Variants in FSTL4 observed in about 807,000 individuals in gnomAD.
The protein encoded by FSTL4 is follistatin-related protein 4.
FSTL4 carries 28 observed loss-of-function variants against 78.2 expected under a neutral mutation model. The observed-to-expected ratio is 0.36, with a 90% CI of 0.27 to 0.49. The LOEUF (loss-of-function observed/expected upper bound fraction) is 0.49. Among genes scored for constraint, FSTL4 ranks in the 20% least tolerant of loss-of-function variants. FSTL4 has a pLI of 0.98. For missense variants in FSTL4, 922 were observed against 1,084.9 expected (o/e 0.85, Z 2.11); for synonymous variants, 422 against 440.5 (o/e 0.96, Z 0.53).
the FSTL4 span, among the ~76,000 whole-genome samples, chr5:133,624,246 A>G: frequency 3.3e-5 from 5 of 152,050 alleles, no homozygotes; most frequent in Admixed American, 2.0e-4. Context: ...GTATATGCAT[A>G]CAATGGAATA....
intron 3 of FSTL4, among the ~76,000 whole-genome samples, chr5:133,511,866 C>T (rs1188330623): frequency 6.6e-6 from 1 of 151,972 alleles, no homozygotes; most frequent in East Asian, 1.9e-4. Context: ...CAGAAGGGGG[C>T]CAGAAGTGAA....
chr5:133,777,971 A>T, the FSTL4 span, among the ~76,000 whole-genome samples: 2 of 152,246 alleles, frequency 1.3e-5, no homozygotes, highest in African/African-American at 4.8e-5. Flanking sequence ...AAGCTTCCTT[A>T]TAGAGATCCC....
chr5:133,400,894 G>A lies in FSTL4; in HGVS notation c.253C>T (p.Pro85Ser), dbSNP rs748030240. The A allele has an allele frequency of 6.2e-7, 1 of 1,613,720 alleles. No individual in the cohort carries two copies. The highest frequency in any genetic ancestry group is 8.5e-7 in the Non-Finnish European group (1 of 1,180,028). Residue 85 changes from proline (P) to serine (S), a missense_variant, in exon 4 of 16, where the codon CCC (proline) becomes TCC (serine). Pro to Ser is a moderately conservative substitution (Grantham distance 74). Coordinates refer to ENST00000265342, the MANE Select transcript of FSTL4 (RefSeq NM_015082.2). ...CATGCCTCCAGGCACTGGCATTCGG[G>A]CTCCCCTGTCTTCCTGCTGAGCACG... Reference protein sequence around the residue: ...RCVLSRKTGEPECQCLEACRP... With the variant: ...RCVLSRKTGESECQCLEACRP...
the FSTL4 span, among the ~76,000 whole-genome samples, chr5:133,742,602 A>G: frequency 6.6e-6 from 1 of 152,086 alleles, no homozygotes; most frequent in East Asian, 1.9e-4. Context: ...TCCCTCAACC[A>G]TGAAAGGTCC....
intron 3 of FSTL4, among the ~76,000 whole-genome samples, chr5:133,536,487 T>G (rs1018535451): frequency 3.9e-5 from 6 of 152,138 alleles, no homozygotes; most frequent in Admixed American, 3.3e-4. Context: ...TCAATTACTT[T>G]TGGGGGACAT....
At chr5:133,735,034 A>G in the FSTL4 span, among the ~76,000 whole-genome samples, 182 of 152,328 alleles carry the variant, frequency 1.2e-3, 3 homozygotes, top group Non-Finnish European at 3.1e-4. Context: ...AGTGCCCCTC[A>G]TGCTCTCCCT....
intron 3 of FSTL4, among the ~76,000 whole-genome samples, chr5:133,467,964 G>A (rs1221901862): frequency 6.6e-6 from 1 of 152,162 alleles, no homozygotes; most frequent in Non-Finnish European, 1.5e-5. Flanking sequence ...CACTCCTAGG[G>A]AACAACCTCA....
chr5:133,446,238 G>A (rs1328735358), intron 3 of FSTL4, among the ~76,000 whole-genome samples: 1 of 152,174 alleles, frequency 6.6e-6, no homozygotes, highest in Non-Finnish European at 1.5e-5. Context: ...TCAGGAGTTG[G>A]AGACCAGCCT....
At chr5:133,395,506 C>T (rs6898611) in intron 4 of FSTL4, among the ~76,000 whole-genome samples, 10,072 of 152,258 alleles carry the variant, frequency 0.066, 460 homozygotes, top group South Asian at 0.12. Context: ...CGCGGGTCCG[C>T]GGCTTCATTC....
the FSTL4 span, among the ~76,000 whole-genome samples, chr5:133,809,004 G>C: frequency 6.6e-6 from 1 of 152,002 alleles, no homozygotes; most frequent in African/African-American, 2.4e-5. Flanking sequence ...AGTTCTTTTG[G>C]ACAGGTTGTG....
intron 11 of FSTL4, among the ~76,000 whole-genome samples, chr5:133,222,951 C>A (rs1751193104): frequency 6.6e-6 from 1 of 152,230 alleles, no homozygotes. Context: ...TTGTTCACTG[C>A]TCAATTGTTC....
chr5:133,542,870 T>C (rs1759505276), intron 3 of FSTL4, among the ~76,000 whole-genome samples: 1 of 152,168 alleles, frequency 6.6e-6, no homozygotes, highest in African/African-American at 2.4e-5. Flanking sequence ...TTGTTAGATT[T>C]ATTGGTTCTT....
chr5:133,492,906 T>A (rs540083655), intron 3 of FSTL4, among the ~76,000 whole-genome samples: 1 of 152,238 alleles, frequency 6.6e-6, no homozygotes, highest in East Asian at 1.9e-4. Flanking sequence ...TCTATCTTTG[T>A]GTCTCTCTGA....
chr5:133,757,413 A>T, the FSTL4 span, among the ~76,000 whole-genome samples: 3 of 152,224 alleles, frequency 2.0e-5, no homozygotes, highest in Admixed American at 2.0e-4. Flanking sequence ...AGTGCTCAAT[A>T]GCACGTGGTG....
chr5:133,644,655 C>A, the FSTL4 span, among the ~76,000 whole-genome samples: 3 of 152,124 alleles, frequency 2.0e-5, no homozygotes, highest in African/African-American at 7.2e-5. Flanking sequence ...TACATCAGAC[C>A]AAGTGACAGC....
At chr5:133,514,096 G>A (rs1053018938) in intron 3 of FSTL4, among the ~76,000 whole-genome samples, 3 of 151,708 alleles carry the variant, frequency 2.0e-5, no homozygotes, top group Non-Finnish European at 2.9e-5. Flanking sequence ...GGAGAATGGC[G>A]TGAATCCGGG....
chr5:133,462,889 G>A (rs948869845), intron 3 of FSTL4, among the ~76,000 whole-genome samples: 2 of 152,204 alleles, frequency 1.3e-5, no homozygotes, highest in East Asian at 1.9e-4. Context: ...GAGAGCAGGT[G>A]ACCTGACACC....
chr5:133,203,435 C>T (rs1157394976), intron 14 of FSTL4, among the ~76,000 whole-genome samples: 2 of 152,222 alleles, frequency 1.3e-5, no homozygotes, highest in Admixed American at 1.3e-4. Context: ...GGCCTGCCTC[C>T]TCAGGCAGGC....
chr5:133,442,633 C>T (rs1561718471), intron 3 of FSTL4, among the ~76,000 whole-genome samples: 1 of 152,174 alleles, frequency 6.6e-6, no homozygotes, highest in East Asian at 1.9e-4. Flanking sequence ...CGCAGTGGTA[C>T]ATAATCTTGA....
Sources: allele counts gnomAD v4.1 joint callset (sites outside exome capture counted in the v4.1 genomes callset), GRCh38; gene constraint gnomAD v4.1.1; transcripts MANE v1.5; gene names NCBI Gene and HGNC (gene_info 2026-07-23, HGNC 2026-07-21).